The following TXNDC8 variants were observed in gnomAD, a reference collection of about 807,000 sequenced individuals.
TXNDC8 encodes the protein thioredoxin domain containing 8, also known as thioredoxin domain-containing protein 8.
In TXNDC8, 15 loss-of-function variants were observed where a neutral mutation model predicts 12.9. That is an observed-to-expected ratio of 1.16 (90% CI 0.78 to 1.79). TXNDC8 has a LOEUF of 1.79. TXNDC8 is among the 40% of genes most tolerant of loss of function. TXNDC8 has a pLI of 0.00. For missense variants in TXNDC8, 128 were observed against 113.2 expected (o/e 1.13, Z -0.59); for synonymous variants, 40 against 35.4 (o/e 1.13, Z -0.46).
chr9:110,323,694 T>C (rs1455300815), intron 3 of TXNDC8: 3 of 703,888 alleles, frequency 4.3e-6, no homozygotes, highest in East Asian at 3.4e-5. Flanking sequence ...ATGGGGATAG[T>C]GTAGGCTTCA....
At chr9:110,329,374 G>T (rs1839467758) in intron 2 of TXNDC8, 83 bp from the exon 3 acceptor site, 2 of 1,034,060 alleles carry the variant, frequency 1.9e-6, no homozygotes, top group Non-Finnish European at 2.9e-6. Flanking sequence ...CAGTAGAAAA[G>T]AAAATTGAAC....
At chr9:110,306,970 C>T (rs2118704053) in intron 3 of TXNDC8, among the ~76,000 whole-genome samples, 1 of 152,126 alleles carries the variant, frequency 6.6e-6, no homozygotes, top group Middle Eastern at 3.4e-3. Context: ...GAGATGAGGT[C>T]TCGCTCTGTC....
rs772456327 is a variant in TXNDC8, at chr9:110,337,774, G to A, written c.23C>T (p.Thr8Met). 1.2e-5 allele frequency: 19 copies of A among 1,613,620 alleles called. No homozygotes were observed. Among genetic ancestry groups the A allele is most frequent in the Non-Finnish European group, 1.2e-5 (14 of 1,179,812 alleles). The change falls in exon 1 of 5, where the codon ACG becomes ATG. Residue 8 changes from threonine (T) to methionine (M), a missense_variant and splice_region_variant. Physicochemically the swap from Thr to Met is moderately conservative, Grantham distance 81. Transcript: ENST00000423740. ...CAGTGAAGCCAAATAAATACTTGCCGTGTCTTTAATAATCTGTACCATGAT... is the reference window on the plus strand; with the variant it reads ...CAGTGAAGCCAAATAAATACTTGCCATGTCTTTAATAATCTGTACCATGAT...
intron 3 of TXNDC8, among the ~76,000 whole-genome samples, chr9:110,325,630 C>T (rs1839283426): frequency 6.6e-6 from 1 of 151,226 alleles, no homozygotes; most frequent in African/African-American, 2.4e-5. Flanking sequence ...ATGCCATTCT[C>T]CTGCCTCAGC....
At chr9:110,312,033 G>A (rs1188005129) in intron 3 of TXNDC8, among the ~76,000 whole-genome samples, 2 of 151,516 alleles carry the variant, frequency 1.3e-5, no homozygotes, top group Non-Finnish European at 1.5e-5. Flanking sequence ...ATATCAAGCA[G>A]AGCAGGAGTT....
At chr9:110,303,101 A>T (rs1298727260), downstream of TXNDC8, among the ~76,000 whole-genome samples, 1 of 152,100 alleles carries the variant, frequency 6.6e-6, no homozygotes, top group Non-Finnish European at 1.5e-5. Context: ...ATTTTGTACC[A>T]TAAGAAATGG....
intron 4 of TXNDC8, chr9:110,303,811 A>G: frequency 1.1e-6 from 1 of 897,266 alleles, no homozygotes; most frequent in Non-Finnish European, 1.7e-6. Flanking sequence ...GATCTCTATA[A>G]TTCTCCATAA....
intron 3 of TXNDC8, among the ~76,000 whole-genome samples, chr9:110,318,384 C>G (rs1838961723): frequency 6.6e-6 from 1 of 152,124 alleles, no homozygotes; most frequent in Non-Finnish European, 1.5e-5. Flanking sequence ...ACATATCACT[C>G]CTATATTTCA....
chr9:110,326,123 T>G, intron 3 of TXNDC8, 52 bp downstream of exon 4: 1 of 1,599,012 alleles, frequency 6.3e-7, no homozygotes, highest in Non-Finnish European at 8.6e-7. Flanking sequence ...TTTGAGGGAC[T>G]CTGATGGTTC....
chr9:110,315,604 G>T (rs75892263), intron 3 of TXNDC8, among the ~76,000 whole-genome samples: 2,177 of 151,850 alleles, frequency 0.014, 49 homozygotes, highest in African/African-American at 0.049. Context: ...ATGCAATTTT[G>T]GTTTTGATCT....
At chr9:110,336,527 A>C (rs942973068) in intron 1 of TXNDC8, among the ~76,000 whole-genome samples, 2 of 152,190 alleles carry the variant, frequency 1.3e-5, no homozygotes, top group African/African-American at 4.8e-5. Flanking sequence ...TGACTAAACT[A>C]TCTGAAGGGA....
At chr9:110,328,801 T>G (rs918005435) in intron 2 of TXNDC8, among the ~76,000 whole-genome samples, 4 of 152,188 alleles carry the variant, frequency 2.6e-5, no homozygotes, top group African/African-American at 4.8e-5. Context: ...AGTGAAACTC[T>G]GTCCCCCACC....
Position 110,314,594 on chromosome 9 carries a change from G to A in TXNDC8, c.196-10062C>T, listed in dbSNP as rs181084260. On this transcript the variant is annotated intron_variant, in intron 3 of 4. Coordinates refer to ENST00000423740, the MANE Select transcript of TXNDC8 (RefSeq NM_001286946.2). ...ACTACAGGCGCCCGCCACCCCGTCC[G>A]GCTAATTTTTTGTATTTTTAGTAGA... 2.0e-3 allele frequency among the ~76,000 whole-genome samples: 306 copies of A among 151,582 alleles called. 1 individual carries two copies. The highest frequency in any genetic ancestry group is 7.0e-3 in the African/African-American group (288 of 41,300).
chr9:110,336,604 C>A (rs1839769685), intron 1 of TXNDC8, among the ~76,000 whole-genome samples: 1 of 152,130 alleles, frequency 6.6e-6, no homozygotes, highest in Non-Finnish European at 1.5e-5. Context: ...CCAGCTACTG[C>A]ACAAACTGCT....
intron 1 of TXNDC8, among the ~76,000 whole-genome samples, chr9:110,337,311 C>T (rs7040502): frequency 0.39 from 59,456 of 152,094 alleles, 13,411 homozygotes; most frequent in African/African-American, 0.62. Context: ...TTATCTCTGT[C>T]CTATACATGA....
intron 3 of TXNDC8, among the ~76,000 whole-genome samples, chr9:110,325,841 A>T (rs1013521439): frequency 6.6e-6 from 1 of 152,154 alleles, no homozygotes; most frequent in African/African-American, 2.4e-5. Flanking sequence ...ACATTTTTGT[A>T]AGAATTTCAG....
At chr9:110,306,600 A>C (rs1838475802) in intron 3 of TXNDC8, among the ~76,000 whole-genome samples, 4 of 152,202 alleles carry the variant, frequency 2.6e-5, no homozygotes, top group African/African-American at 7.2e-5. Context: ...CAAATACTTA[A>C]TAAGTGCCTA....
chr9:110,320,288 G>A (rs933357959), intron 3 of TXNDC8, among the ~76,000 whole-genome samples: 2 of 152,132 alleles, frequency 1.3e-5, no homozygotes, highest in African/African-American at 4.8e-5. Flanking sequence ...TTGAATCATG[G>A]GGGCGGGTCT....
intron 3 of TXNDC8, among the ~76,000 whole-genome samples, chr9:110,317,988 C>A (rs1267616549): frequency 6.6e-6 from 1 of 152,216 alleles, no homozygotes; most frequent in African/African-American, 2.4e-5. Context: ...TTTGCATACA[C>A]ATCAATATTG....
Sources: allele counts gnomAD v4.1 joint callset (sites outside exome capture counted in the v4.1 genomes callset), GRCh38; gene constraint gnomAD v4.1.1; transcripts MANE v1.5; gene names NCBI Gene and HGNC (gene_info 2026-07-23, HGNC 2026-07-21).